The following CNOT3 variants were observed in gnomAD, a reference collection of about 807,000 sequenced individuals.
CNOT3 encodes the protein CCR4-associated factor 3.
Under a neutral mutation model 89.4 loss-of-function variants are expected in CNOT3, and 2 were observed. That is an observed-to-expected ratio of 0.02 (90% CI 0.01 to 0.07). CNOT3 has a LOEUF of 0.07. Among genes scored for constraint, CNOT3 ranks in the 10% least tolerant of loss-of-function variants. The pLI is 1.00. For synonymous variants in CNOT3, 486 were observed against 402.0 expected, an observed-to-expected ratio of 1.21 and a Z score of -2.50; for missense variants, 664 against 1,010.2, an observed-to-expected ratio of 0.66 and a Z score of 4.65.
chr19:54,143,398 AC>A, intron 3 of CNOT3, 43 bp from the exon 4 acceptor site: 1 of 1,589,698 alleles, frequency 6.3e-7, no homozygotes, highest in Non-Finnish European at 8.6e-7. Context: ...GGGTACTGGG[AC>A]ATCCCCTCCC....
intron 1 of CNOT3, among the ~76,000 whole-genome samples, chr19:54,138,296 C>T (rs917189086): frequency 6.6e-5 from 10 of 152,208 alleles, no homozygotes; most frequent in Non-Finnish European, 1.2e-4. Flanking sequence ...GCGTCGGGCC[C>T]CCCGGTAGGG....
intron 10 of CNOT3, 72 bp downstream of exon 10, chr19:54,146,729 T>TTTG: frequency 1.2e-6 from 1 of 853,488 alleles, no homozygotes; most frequent in Non-Finnish European, 2.1e-6. Context: ...TCTTGAGGCC[T>TTTG]GAGCGCCGGC....
chr19:54,137,839 G>A lies in CNOT3; in HGVS notation c.-205G>A, dbSNP rs2074277996. 1.3e-5 allele frequency: 2 copies of A among 151,874 alleles called. No homozygotes were observed. Among genetic ancestry groups the A allele is most frequent in the African/African-American group, 4.8e-5 (2 of 41,352 alleles). 9.4% of individuals were successfully genotyped at this position (151,874 alleles called of 1,614,324 possible). A position where few individuals can be genotyped will look rare whatever the true frequency, so the allele number is the denominator to read the frequency against. ...CCTCCCTTGAGCCCCGACCCCCGTC[G>A]TCAGAACAACCCCGGGCCCACTCCC... On this transcript the variant is annotated 5_prime_UTR_variant, in exon 1 of 18. Coordinates refer to ENST00000221232, the MANE Select transcript of CNOT3 (RefSeq NM_014516.4).
At chr19:54,141,892 C>G (rs960253877) in intron 1 of CNOT3, 13 of 152,200 alleles carry the variant, frequency 8.5e-5, no homozygotes, top group Non-Finnish European at 1.6e-4. Context: ...CCTCTCTTCC[C>G]AGGGCTCCCC....
chr19:54,153,643 C>T, intron 16 of CNOT3, 72 bp from the exon 17 acceptor site: 1 of 1,166,582 alleles, frequency 8.6e-7, no homozygotes. Context: ...CCCTGATGTC[C>T]TGCCCCATTC....
In CNOT3 at chr19:54,147,776, G is replaced by A. The variant is rs149224392; in HGVS notation, c.895-372G>A. Among the ~76,000 whole-genome samples, 5 of 152,208 alleles carry A rather than the reference G, an allele frequency of 3.3e-5. No homozygotes were observed. In the East Asian group the frequency reaches 7.7e-4, roughly 24 times the overall value. ...TTCCTTCTACTCTTGGACATTAGGC[G>A]GCTCCAGCTAATCTCATATTGAGAA... On this transcript the variant is annotated intron_variant, in intron 10 of 17. Coordinates refer to ENST00000221232, the MANE Select transcript of CNOT3 (RefSeq NM_014516.4).
chr19:54,150,785 TA>T (rs2075050104), intron 13 of CNOT3, among the ~76,000 whole-genome samples: 1 of 151,918 alleles, frequency 6.6e-6, no homozygotes, highest in Non-Finnish European at 1.5e-5. Context: ...ACAGAAGCAT[TA>T]ATTTTTTTTT....
rs1247191423 is a variant in CNOT3 at position 54,149,878 on chromosome 19, C to T, written c.1605+120C>T. The T allele has an allele frequency of 6.7e-6, 7 of 1,038,168 alleles. No individual in the cohort carries two copies. In the East Asian group the frequency reaches 1.1e-4, roughly 16 times the overall value. 64.3% of individuals were successfully genotyped at this position (1,038,168 alleles called of 1,614,324 possible). On this transcript the variant is annotated intron_variant, in intron 13 of 17. Coordinates refer to ENST00000221232, the MANE Select transcript of CNOT3 (RefSeq NM_014516.4). ...TCTGGATCTCTCTCTGGCTTTCTGT[C>T]CCCTTCTCACACTTGCTCTTTCTCC...
In CNOT3 at chr19:54,147,697, C is replaced by T. The variant is rs774317443; in HGVS notation, c.895-451C>T. Among the ~76,000 whole-genome samples the T allele has an allele frequency of 2.0e-5, 3 of 152,226 alleles. No individual in the cohort carries two copies. The South Asian group carries it at 6.2e-4, about 31-fold the overall frequency. ...TGGTAACTTCCAGCCCTGTGAGTAG[C>T]TTCTGTGACCCTTCAGGTGACATTC... On this transcript the variant is annotated intron_variant, in intron 10 of 17. Coordinates refer to ENST00000221232, the MANE Select transcript of CNOT3 (RefSeq NM_014516.4).
intron 5 of CNOT3, 80 bp from the exon 6 acceptor site, chr19:54,143,926 T>C: frequency 6.4e-7 from 1 of 1,558,758 alleles, no homozygotes; most frequent in Non-Finnish European, 8.7e-7. Context: ...GTCACGAGGC[T>C]CAGGTCGGAG....
At chr19:54,153,059 C>A (rs761640842) in intron 16 of CNOT3, 60 bp downstream of exon 16, 1 of 1,543,604 alleles carries the variant, frequency 6.5e-7, no homozygotes, top group Non-Finnish European at 8.9e-7. Flanking sequence ...CCGCCGCCGT[C>A]CCCCCTCGGG....
Position 54,145,477 on chromosome 19 carries a change from G to A in CNOT3, c.484-121G>A, listed in dbSNP as rs1445459068. The A allele has an allele frequency of 5.8e-6, 4 of 689,628 alleles. No individual in the cohort carries two copies. The Admixed American group carries it at 7.0e-5, about 12-fold the overall frequency. The allele number at this position is 689,628 out of a possible 1,614,324, so 42.7% of individuals were successfully genotyped here. ...ACCCCATACTGCCCCACCCCGAAGG[G>A]GATGGCGTGGAGGCTTTGGGTCTCC... On this transcript the variant is annotated intron_variant, in intron 7 of 17. Coordinates refer to ENST00000221232, the MANE Select transcript of CNOT3 (RefSeq NM_014516.4). This position sits in a 1 kb window ranked among gnomAD's most constrained non-coding sequence, Gnocchi z 5.9.
chr19:54,143,970 C>A, intron 5 of CNOT3, 36 bp from the exon 6 acceptor site: 1 of 1,583,172 alleles, frequency 6.3e-7, no homozygotes, highest in Middle Eastern at 1.7e-4. Context: ...CCTTTCCCAC[C>A]TTTGAGAGCC....
In CNOT3 at chr19:54,146,026, C is replaced by T; in HGVS notation, c.820C>T (p.Pro274Ser). ...TTSSSPIPPS[P>S]ANCTTENSED... Reference sequence around the variant, plus strand: ...CTCCAGCTCTCCCATCCCGCCCAGCCCAGCCAACTGTACCACGGTGAGGCC... The same window carrying T: ...CTCCAGCTCTCCCATCCCGCCCAGCTCAGCCAACTGTACCACGGTGAGGCC... Residue 274 changes from proline to serine, a missense_variant, in exon 9 of 18, where the codon CCA becomes TCA. Transcript: ENST00000221232. 6.2e-7 allele frequency: 1 copy of T among 1,613,382 alleles called. No individual in the cohort carries two copies. The highest frequency in any genetic ancestry group is 8.5e-7 in the Non-Finnish European group (1 of 1,179,560).
Position 54,148,201 on chromosome 19 carries a change from C to G in CNOT3, c.948C>G (p.Ser316=). 1.3e-6 allele frequency: 2 copies of G among 1,582,486 alleles called. No homozygotes were observed. The highest frequency in any genetic ancestry group is 8.6e-7 in the Non-Finnish European group (1 of 1,164,806). Residue 316 remains serine, a synonymous_variant, in exon 11 of 18, where the codon TCC becomes TCG. Coordinates refer to ENST00000221232, the MANE Select transcript of CNOT3 (RefSeq NM_014516.4). This position sits in a 1 kb window ranked among gnomAD's most constrained non-coding sequence, Gnocchi z 6.3. ...KPVHSNQHPQ[S]PAVPPTYPSG... ...TCCACAGCAACCAGCACCCTCAGTC[C>G]CCAGCTGTGCCGCCCACCTACCCCT...
intron 17 of CNOT3, 193 bp from the exon 18 acceptor site, chr19:54,155,116 C>T (rs2146819318): frequency 1.6e-6 from 1 of 630,424 alleles, no homozygotes; most frequent in East Asian, 3.1e-5. Flanking sequence ...TTCCTCCTCG[C>T]TGAAGTGGCA....
intron 16 of CNOT3, 175 bp from the exon 17 acceptor site, chr19:54,153,540 C>G: frequency 1.3e-6 from 1 of 779,430 alleles, no homozygotes; most frequent in Non-Finnish European, 2.4e-6. Flanking sequence ...TTTTCCTTCT[C>G]CTGATCAGCA....
rs1230043211 is a variant in CNOT3, at chr19:54,145,122, T to C, written c.484-476T>C. ...CTGGGCTCTCTCAGGGATAAATGGG[T>C]AGGGTTGGGGGCCTAGTGATGACAG... is the stretch of plus-strand genomic sequence containing the variant. On this transcript the variant is annotated intron_variant, in intron 7 of 17. Coordinates refer to ENST00000221232, the MANE Select transcript of CNOT3 (RefSeq NM_014516.4). This position sits in a 1 kb window ranked among gnomAD's most constrained non-coding sequence, Gnocchi z 5.9. Among the ~76,000 whole-genome samples, 1 of 151,674 alleles carries C rather than the reference T, an allele frequency of 6.6e-6. No individual in the cohort carries two copies. The highest frequency in any genetic ancestry group is 1.5e-5 in the Non-Finnish European group (1 of 67,916).
Position 54,144,248 on chromosome 19 carries a change from C to T in CNOT3, c.399C>T (p.Asp133=), listed in dbSNP as rs780336928. 1 of 1,614,096 alleles carries T rather than the reference C, an allele frequency of 6.2e-7. No individual in the cohort carries two copies. The highest frequency in any genetic ancestry group is 8.5e-7 in the Non-Finnish European group (1 of 1,179,974). The change falls in exon 7 of 18, where the codon GAC becomes GAT. Residue 133 remains aspartate (D), a synonymous_variant. Transcript: ENST00000221232. The surrounding 1 kb of genome is among the most constrained non-coding windows in gnomAD (Gnocchi z 4.8). ...TCTCCCTCCCCTAGAATACCATCGA[C>T]ACGCTCAACATGCAGGTGGACCAGT... The part of the protein sequence containing the change: ...EVGQWLTNTI[D]TLNMQVDQFE...
Sources: allele counts gnomAD v4.1 joint callset (sites outside exome capture counted in the v4.1 genomes callset), GRCh38; gene constraint gnomAD v4.1.1; non-coding constraint Gnocchi (gnomAD v3.1); transcripts MANE v1.5; gene names NCBI Gene and HGNC (gene_info 2026-07-23, HGNC 2026-07-21).